COL5A2: variants seen among roughly 807,000 people sequenced by gnomAD.
COL5A2 encodes the protein collagen alpha-2(V) chain.
In COL5A2, 23 loss-of-function variants were observed where a neutral mutation model predicts 208.2. The observed-to-expected ratio is 0.11, with a 90% CI of 0.08 to 0.16. The LOEUF (loss-of-function observed/expected upper bound fraction) is 0.16, where lower values mean the gene tolerates loss of function less well. Ranked by LOEUF, COL5A2 falls within the 10% of genes least tolerant of loss-of-function variation. The probability of loss-of-function intolerance (pLI) is 1.00; values close to 1 mark genes in which losing one functional copy is unlikely to be tolerated. For synonymous variants in COL5A2, 625 were observed against 628.5 expected (o/e 0.99, Z 0.08); for missense variants, 1,590 against 1,956.4 (o/e 0.81, Z 3.53).
In COL5A2 at chr2:189,045,922, C is replaced by T; in HGVS notation, c.3202-15G>A. 1 of 1,599,648 alleles carries T rather than the reference C, an allele frequency of 6.3e-7. No individual in the cohort carries two copies. Among genetic ancestry groups the T allele is most frequent in the Non-Finnish European group, 8.6e-7 (1 of 1,166,880 alleles). On this transcript the variant is annotated splice_polypyrimidine_tract_variant and intron_variant, in intron 45 of 53. Coordinates refer to ENST00000374866, the MANE Select transcript of COL5A2 (RefSeq NM_000393.5). The stretch of plus-strand genomic sequence containing the variant: ...CCACGATCACCCTAACAAGAATAAC[C>T]ATGATATTATTTTTTAACATTTATT...
At chr2:189,113,048 A>G (rs1001929339) in intron 1 of COL5A2, among the ~76,000 whole-genome samples, 2 of 152,208 alleles carry the variant, frequency 1.3e-5, no homozygotes, top group African/African-American at 4.8e-5. Flanking sequence ...TACTACTTCA[A>G]TTAGCTTGTT....
chr2:189,206,149 T>A (rs925731414), intron 1 of COL5A2, among the ~76,000 whole-genome samples: 1 of 152,098 alleles, frequency 6.6e-6, no homozygotes, highest in African/African-American at 2.4e-5. Context: ...ATAGAAAGGA[T>A]GTGTAGTTAG....
At chr2:189,270,408 A>T in the COL5A2 span, among the ~76,000 whole-genome samples, 41 of 152,170 alleles carry the variant, frequency 2.7e-4, no homozygotes, top group African/African-American at 9.9e-4. Flanking sequence ...TGTTTCCCAG[A>T]GATTCTGGTA....
the COL5A2 span, among the ~76,000 whole-genome samples, chr2:189,398,133 C>A: frequency 6.6e-6 from 1 of 152,030 alleles, no homozygotes; most frequent in Non-Finnish European, 1.5e-5. Context: ...TAGTAATAAT[C>A]CAATTGTGCT....
the COL5A2 span, among the ~76,000 whole-genome samples, chr2:189,405,723 G>T: frequency 6.6e-6 from 1 of 152,178 alleles, no homozygotes; most frequent in Non-Finnish European, 1.5e-5. Context: ...TATTGCACAT[G>T]ATTTATGTCA....
intron 35 of COL5A2, 114 bp from the exon 36 acceptor site, chr2:189,054,326 T>C (rs1685855570): frequency 1.3e-6 from 1 of 749,012 alleles, no homozygotes; most frequent in Non-Finnish European, 2.4e-6. Flanking sequence ...TTGGCTGCCT[T>C]TGCAAATCAT....
At chr2:189,290,852 G>A in the COL5A2 span, among the ~76,000 whole-genome samples, 1 of 151,518 alleles carries the variant, frequency 6.6e-6, no homozygotes, top group Non-Finnish European at 1.5e-5. Context: ...TCAAGACAAG[G>A]GAAAATATCT....
chr2:189,434,796 T>C, the COL5A2 span, among the ~76,000 whole-genome samples: 5 of 152,300 alleles, frequency 3.3e-5, no homozygotes, highest in Non-Finnish European at 7.3e-5. Context: ...AAGCTACCAA[T>C]GATTTTCTTC....
chr2:189,200,047 T>A (rs6754040), intron 1 of COL5A2, among the ~76,000 whole-genome samples: 2,797 of 152,234 alleles, frequency 0.018, 31 homozygotes, highest in Middle Eastern at 0.031. Context: ...GTGGCTACAG[T>A]CCAGTGAAGT....
the COL5A2 span, among the ~76,000 whole-genome samples, chr2:189,301,488 TTTTTGCTG>T: frequency 6.6e-6 from 1 of 152,178 alleles, no homozygotes; most frequent in Non-Finnish European, 1.5e-5. Context: ...AAATCTATCA[TTTTTGCTG>T]TTTTTTCCTC....
At chr2:189,093,052 A>G (rs1265438552) in intron 6 of COL5A2, among the ~76,000 whole-genome samples, 1 of 152,186 alleles carries the variant, frequency 6.6e-6, no homozygotes, top group African/African-American at 2.4e-5. Flanking sequence ...AGACTAGACC[A>G]TTGAGAAATT....
the COL5A2 span, among the ~76,000 whole-genome samples, chr2:189,259,873 T>G: frequency 6.6e-6 from 1 of 152,126 alleles, no homozygotes; most frequent in African/African-American, 2.4e-5. Context: ...CTGATAGTTG[T>G]CTTCTGGGAA....
the COL5A2 span, among the ~76,000 whole-genome samples, chr2:189,329,242 C>T: frequency 5.9e-5 from 9 of 152,068 alleles, no homozygotes; most frequent in Non-Finnish European, 1.3e-4. Context: ...AAATACTGCA[C>T]GATCTCACTT....
intron 1 of COL5A2, among the ~76,000 whole-genome samples, chr2:189,156,340 A>G (rs1688246758): frequency 1.3e-5 from 2 of 152,164 alleles, no homozygotes; most frequent in African/African-American, 4.8e-5. Flanking sequence ...AAGTAAATAA[A>G]TTTCAAAATT....
chr2:189,295,574 C>A, the COL5A2 span, among the ~76,000 whole-genome samples: 6 of 152,112 alleles, frequency 3.9e-5, no homozygotes, highest in Non-Finnish European at 8.8e-5. Flanking sequence ...GAGATCACAC[C>A]ACTGCACTCC....
intron 49 of COL5A2, among the ~76,000 whole-genome samples, chr2:189,042,032 G>A (rs1226922917): frequency 6.6e-6 from 1 of 152,172 alleles, no homozygotes. Flanking sequence ...AAGTTGGAGT[G>A]TTTAAGTGAA....
At chr2:189,377,965 TAA>T in the COL5A2 span, among the ~76,000 whole-genome samples, 1 of 152,204 alleles carries the variant, frequency 6.6e-6, no homozygotes, top group Non-Finnish European at 1.5e-5. Flanking sequence ...TTTAAGGGTA[TAA>T]ATAGCACCCT....
intron 1 of COL5A2, among the ~76,000 whole-genome samples, chr2:189,139,479 A>G (rs1446540451): frequency 6.6e-6 from 1 of 152,128 alleles, no homozygotes; most frequent in Non-Finnish European, 1.5e-5. Flanking sequence ...ATCCTAAAAA[A>G]CAAGGAATGT....
At chr2:189,380,036 T>TATATATATATA in the COL5A2 span, among the ~76,000 whole-genome samples, 1 of 149,918 alleles carries the variant, frequency 6.7e-6, no homozygotes, top group African/African-American at 2.4e-5. Flanking sequence ...GTGAAATATT[T>TATATATATATA]TATATATATA....
Sources: allele counts gnomAD v4.1 joint callset (sites outside exome capture counted in the v4.1 genomes callset), GRCh38; gene constraint gnomAD v4.1.1; transcripts MANE v1.5; gene names NCBI Gene and HGNC (gene_info 2026-07-23, HGNC 2026-07-21).